ZFHX3: variants seen among roughly 807,000 people sequenced by gnomAD.
The protein encoded by ZFHX3 is zinc finger homeobox protein 3.
ZFHX3 carries 42 observed loss-of-function variants against 279.1 expected under a neutral mutation model. The observed-to-expected ratio is 0.15, with a 90% CI of 0.12 to 0.19. The LOEUF is 0.19. ZFHX3 is among the 10% of genes least tolerant of loss of function. ZFHX3 has a pLI of 1.00. For synonymous variants in ZFHX3, 2,293 were observed against 1,957.8 expected, an observed-to-expected ratio of 1.17 and a Z score of -4.52; for missense variants, 4,981 against 4,754.0, an observed-to-expected ratio of 1.05 and a Z score of -1.40.
rs975078143 is a variant in ZFHX3, at chr16:73,251,798, A to C, written c.-1104+5249T>G. Among the ~76,000 whole-genome samples, 4 of 144,112 alleles carry C rather than the reference A, an allele frequency of 2.8e-5. No homozygotes were observed. In the Admixed American group the frequency reaches 2.8e-4, roughly 10 times the overall value. 94.5% of individuals were successfully genotyped at this position (144,112 alleles called of 152,430 possible). On this transcript the variant is annotated intron_variant, in intron 5 of 17. Coordinates refer to the ZFHX3 transcript ENST00000641206. ...GCACACAAACGCACACACCATGCAC[A>C]CACGCACACACCATGCACACACACC... is the stretch of plus-strand genomic sequence containing the variant.
intron 3 of ZFHX3, among the ~76,000 whole-genome samples, chr16:73,444,391 C>G (rs1215119428): frequency 6.6e-6 from 1 of 152,194 alleles, no homozygotes; most frequent in Non-Finnish European, 1.5e-5. Flanking sequence ...GACCATTTTT[C>G]TCTACCATTT....
intron 2 of ZFHX3, among the ~76,000 whole-genome samples, chr16:73,545,312 G>C (rs1043151276): frequency 4.6e-5 from 7 of 151,866 alleles, no homozygotes; most frequent in African/African-American, 1.7e-4. Context: ...ATTTATCGTC[G>C]TTTCTTGATT....
chr16:72,936,237 A>G (rs766201349), intron 3 of ZFHX3, among the ~76,000 whole-genome samples: 1 of 152,214 alleles, frequency 6.6e-6, no homozygotes, highest in Non-Finnish European at 1.5e-5. Context: ...AAGTGTGCGC[A>G]TGAGGCTGTT....
intron 3 of ZFHX3, among the ~76,000 whole-genome samples, chr16:73,347,827 T>C (rs916771437): frequency 1.3e-5 from 2 of 152,238 alleles, no homozygotes; most frequent in African/African-American, 4.8e-5. Flanking sequence ...AATTATACTT[T>C]GTAGATTAAA....
chr16:73,778,236 TAAAAAAAA>T (rs10654824), intron 1 of ZFHX3, among the ~76,000 whole-genome samples: 3 of 58,708 alleles, frequency 5.1e-5, no homozygotes, highest in African/African-American at 1.6e-4. Context: ...GAAGGAGTGT[TAAAAAAAA>T]AAAAAAAAAA....
At position 72,787,440 on chromosome 16, in the gene ZFHX3, G is replaced by A; in HGVS notation, c.10836C>T (p.Ala3612=). The A allele has an allele frequency of 1.2e-6, 2 of 1,605,856 alleles. No individual in the cohort carries two copies. The highest frequency in any genetic ancestry group is 1.7e-6 in the Non-Finnish European group (2 of 1,174,786). The part of the protein sequence containing the change: ...AAAPSSASPH[A]SRKSWPQVVS... ...CCACTTGCGGCCAAGACTTCCTGGA[G>A]GCGTGGGGGGAAGCGGAGGAGGGGG... is the stretch of plus-strand genomic sequence containing the variant. The change falls in exon 10 of 10, where the codon GCC becomes GCT. Residue 3612 remains alanine (A), a synonymous_variant. Transcript: ENST00000268489.
intron 3 of ZFHX3, among the ~76,000 whole-genome samples, chr16:72,916,407 G>A (rs4788674): frequency 0.13 from 19,688 of 152,240 alleles, 1,703 homozygotes; most frequent in Non-Finnish European, 0.2. Flanking sequence ...TCAACATGGA[G>A]GAAAATGCCT....
At chr16:73,832,664 CA>C (rs1214187229) in intron 1 of ZFHX3, among the ~76,000 whole-genome samples, 5 of 152,172 alleles carry the variant, frequency 3.3e-5, no homozygotes, top group Non-Finnish European at 7.3e-5. Context: ...CCTCCCCCCT[CA>C]GCCTCCCAAA....
chr16:72,864,568 C>G (rs1026448338), intron 4 of ZFHX3, among the ~76,000 whole-genome samples: 1 of 152,182 alleles, frequency 6.6e-6, no homozygotes, highest in Non-Finnish European at 1.5e-5. Context: ...GATAGACACA[C>G]AAGTAAAGCT....
chr16:73,232,850 G>C (rs929545448), intron 5 of ZFHX3: 3 of 152,198 alleles, frequency 2.0e-5, no homozygotes, highest in Non-Finnish European at 2.9e-5. Context: ...TAATTAAAAA[G>C]GCCAGCATCA....
intron 5 of ZFHX3, among the ~76,000 whole-genome samples, chr16:73,228,011 C>CTAT: frequency 6.6e-6 from 1 of 152,200 alleles, no homozygotes; most frequent in African/African-American, 2.4e-5. Flanking sequence ...GTATTAGGCA[C>CTAT]TATTATTATC....
chr16:72,910,503 T>C (rs1016176961), intron 3 of ZFHX3, among the ~76,000 whole-genome samples: 2 of 152,194 alleles, frequency 1.3e-5, no homozygotes, highest in African/African-American at 4.8e-5. Context: ...ATCTTACATG[T>C]ACACAGTCCT....
intron 1 of ZFHX3, among the ~76,000 whole-genome samples, chr16:72,982,156 T>A (rs1019071339): frequency 6.6e-6 from 1 of 152,178 alleles, no homozygotes; most frequent in African/African-American, 2.4e-5. Flanking sequence ...GCGCTGTGAT[T>A]ACAGGAGTGA....
rs1398839726 is a variant in ZFHX3, at chr16:72,959,031, C to T, written c.1115G>A (p.Arg372Gln). The T allele has an allele frequency of 6.2e-6, 10 of 1,613,064 alleles. No individual in the cohort carries two copies. Among genetic ancestry groups the T allele is most frequent in the East Asian group, 2.2e-5 (1 of 44,884 alleles). Residue 372 changes from arginine to glutamine, a missense_variant, in exon 2 of 10, where the codon CGA becomes CAA. Physicochemically the swap from Arg to Gln is conservative, Grantham distance 43 (BLOSUM62 1). Coordinates refer to ENST00000268489, the MANE Select transcript of ZFHX3 (RefSeq NM_006885.4). ...HSFYGKFSGI[R>Q]MEGEEALPAG... is the part of the protein sequence containing the mutation. ...TGGGAGAGCTTCCTCCCCTTCCATT[C>T]GAATGCCACTAAATTTACCATAAAA...
chr16:73,601,402 G>A (rs1487265345), intron 2 of ZFHX3, among the ~76,000 whole-genome samples: 5 of 151,266 alleles, frequency 3.3e-5, no homozygotes, highest in Non-Finnish European at 5.9e-5. Flanking sequence ...CCTGGGAGGT[G>A]GAGGTTGCAG....
At chr16:73,269,322 G>A (rs148654123) in intron 4 of ZFHX3, among the ~76,000 whole-genome samples, 444 of 152,172 alleles carry the variant, frequency 2.9e-3, no homozygotes, top group South Asian at 4.2e-3. Flanking sequence ...TTTGTTTCTC[G>A]TCAGTTACCC....
intron 4 of ZFHX3, among the ~76,000 whole-genome samples, chr16:72,866,353 T>C (rs2038023779): frequency 6.6e-6 from 1 of 152,194 alleles, no homozygotes; most frequent in Non-Finnish European, 1.5e-5. Flanking sequence ...TGAGGGTGCA[T>C]TTGCGTCCCC....
intron 1 of ZFHX3, among the ~76,000 whole-genome samples, chr16:73,689,997 C>G (rs1046945423): frequency 6.6e-6 from 1 of 151,982 alleles, no homozygotes; most frequent in Admixed American, 6.6e-5. Flanking sequence ...CTCACCGCAA[C>G]CTCCACCTCC....
intron 4 of ZFHX3, among the ~76,000 whole-genome samples, chr16:72,840,673 G>A (rs934354892): frequency 1.3e-5 from 2 of 152,188 alleles, no homozygotes; most frequent in Admixed American, 6.5e-5. Flanking sequence ...AGCCCACAGC[G>A]TCTGAAGAAT....
Sources: allele counts gnomAD v4.1 joint callset (sites outside exome capture counted in the v4.1 genomes callset), GRCh38; gene constraint gnomAD v4.1.1; transcripts MANE v1.5; gene names NCBI Gene and HGNC (gene_info 2026-07-23, HGNC 2026-07-21).